Variants in SIRT5 observed in about 807,000 individuals in gnomAD.
SIRT5 encodes NAD-dependent protein deacylase sirtuin-5, mitochondrial.
SIRT5 carries 26 observed loss-of-function variants against 40.0 expected under a neutral mutation model. That is an observed-to-expected ratio of 0.65 (90% CI 0.48 to 0.90). The LOEUF (loss-of-function observed/expected upper bound fraction) is 0.90. Among genes scored for constraint, SIRT5 ranks in the 40% least tolerant of loss-of-function variants. The pLI, the probability that SIRT5 is intolerant of heterozygous loss-of-function variation, is 0.00. For missense variants in SIRT5, 401 were observed against 402.4 expected, an observed-to-expected ratio of 1.00 and a Z score of 0.03; for synonymous variants, 146 against 149.1, an observed-to-expected ratio of 0.98 and a Z score of 0.15.
At chr6:13,608,765 A>G (rs987861340) in intron 9 of SIRT5, among the ~76,000 whole-genome samples, 4 of 152,184 alleles carry the variant, frequency 2.6e-5, no homozygotes, top group Non-Finnish European at 5.9e-5. Context: ...AATTGTAAAA[A>G]CAAAAAATAC....
At chr6:13,601,457 T>G (rs1272744182) in intron 9 of SIRT5, among the ~76,000 whole-genome samples, 1 of 151,688 alleles carries the variant, frequency 6.6e-6, no homozygotes, top group Non-Finnish European at 1.5e-5. Flanking sequence ...TAGTATGCAT[T>G]TTTAGTCTTA....
At chr6:13,606,401 T>C (rs1425695708) in intron 9 of SIRT5, among the ~76,000 whole-genome samples, 1 of 151,724 alleles carries the variant, frequency 6.6e-6, no homozygotes, top group African/African-American at 2.4e-5. Context: ...GGTAGAAGAG[T>C]TTTATAGATT....
intron 9 of SIRT5, among the ~76,000 whole-genome samples, chr6:13,606,623 A>G (rs1477885012): frequency 1.3e-5 from 2 of 152,208 alleles, no homozygotes; most frequent in East Asian, 1.9e-4. Flanking sequence ...GGACACATAC[A>G]TACTTTAAAC....
intron 3 of SIRT5, among the ~76,000 whole-genome samples, chr6:13,587,314 C>T (rs886772843): frequency 2.6e-5 from 4 of 152,196 alleles, no homozygotes; most frequent in African/African-American, 9.6e-5. Context: ...TCCAGGGCCA[C>T]AGCGCTTACC....
At position 13,607,670 on chromosome 6, in the gene SIRT5, A is replaced by G. The variant is rs953408843; in HGVS notation, c.858-4120A>G. ...AACACTGTTCATGTTTGCCTTTCCCATTTTAAAAGTTGACATCTAAGGTTT... is the reference window on the plus strand; with the variant it reads ...AACACTGTTCATGTTTGCCTTTCCCGTTTTAAAAGTTGACATCTAAGGTTT... On this transcript the variant is annotated intron_variant, in intron 9 of 9. Coordinates refer to ENST00000606117, the MANE Select transcript of SIRT5 (RefSeq NM_012241.5). This position sits in a 1 kb window ranked among gnomAD's most constrained non-coding sequence, Gnocchi z 4.0. Among the ~76,000 whole-genome samples the G allele has an allele frequency of 4.6e-5, 7 of 152,202 alleles. No homozygotes were observed. Among genetic ancestry groups the G allele is most frequent in the African/African-American group, 1.2e-4 (5 of 41,456 alleles).
chr6:13,588,505 G>T (rs1760383102), intron 4 of SIRT5, 41 bp downstream of exon 4: 1 of 1,596,886 alleles, frequency 6.3e-7, no homozygotes, highest in African/African-American at 1.4e-5. Flanking sequence ...TCTGTCGAAT[G>T]AAACCATAAC....
intron 9 of SIRT5, among the ~76,000 whole-genome samples, chr6:13,602,451 G>C (rs961555714): frequency 4.6e-5 from 7 of 151,174 alleles, no homozygotes; most frequent in African/African-American, 1.7e-4. Flanking sequence ...AGTGAGCCGA[G>C]ATTGTGCCAT....
Position 13,584,060 on chromosome 6 carries a change from T to C in SIRT5, c.-35-16T>C, listed in dbSNP as rs1036632643. ...TGATTGTTTCTACACTATTTGTTTT[T>C]GTGATTTTTCTAAAGCCCGCCTCAA... On this transcript the variant is annotated splice_polypyrimidine_tract_variant and intron_variant, in intron 2 of 9. Coordinates refer to ENST00000606117, the MANE Select transcript of SIRT5 (RefSeq NM_012241.5). 1 of 1,266,030 alleles carries C rather than the reference T, an allele frequency of 7.9e-7. No individual in the cohort carries two copies. 78.4% of individuals were successfully genotyped at this position (1,266,030 alleles called of 1,614,324 possible).
chr6:13,575,446 A>G (rs1053380860), intron 1 of SIRT5, among the ~76,000 whole-genome samples: 1 of 152,102 alleles, frequency 6.6e-6, no homozygotes, highest in African/African-American at 2.4e-5. Context: ...TTTAGCTCTT[A>G]GGCGTTCAAA....
intron 3 of SIRT5, among the ~76,000 whole-genome samples, 194 bp downstream of exon 3, chr6:13,584,419 C>T (rs991911966): frequency 1.3e-5 from 2 of 152,068 alleles, no homozygotes; most frequent in Non-Finnish European, 2.9e-5. Flanking sequence ...GGTGCGACCT[C>T]GGCTCACCGC....
At chr6:13,599,269 C>T (rs976415175) in intron 8 of SIRT5, 114 bp downstream of exon 8, 33 of 1,113,800 alleles carry the variant, frequency 3.0e-5, no homozygotes, top group Non-Finnish European at 3.6e-5. Context: ...CGCCTTCTCT[C>T]CTCCCTCCAT....
At chr6:13,600,215 A>G (rs1001473028) in intron 8 of SIRT5, among the ~76,000 whole-genome samples, 1 of 152,230 alleles carries the variant, frequency 6.6e-6, no homozygotes, top group Non-Finnish European at 1.5e-5. Flanking sequence ...AAGCAGAGGC[A>G]CTTTCTTGTG....
chr6:13,583,063 G>A (rs966632670), intron 2 of SIRT5, among the ~76,000 whole-genome samples: 4 of 152,000 alleles, frequency 2.6e-5, no homozygotes, highest in Admixed American at 1.3e-4. Context: ...AAAATTAGCC[G>A]GGCATGGTGG....
At chr6:13,608,147 A>G (rs993523762) in intron 9 of SIRT5, among the ~76,000 whole-genome samples, 1 of 152,380 alleles carries the variant, frequency 6.6e-6, no homozygotes, top group South Asian at 2.1e-4. Context: ...TATCTGGTAC[A>G]TACCACCATC....
chr6:13,574,361 C>G (rs1207981590), upstream of SIRT5, among the ~76,000 whole-genome samples: 4 of 152,024 alleles, frequency 2.6e-5, no homozygotes, highest in East Asian at 3.9e-4. Flanking sequence ...CGCTCGGGCT[C>G]CGGCTTCGAG....
At chr6:13,603,050 G>T (rs1762605382) in intron 9 of SIRT5, among the ~76,000 whole-genome samples, 1 of 152,144 alleles carries the variant, frequency 6.6e-6, no homozygotes, top group Admixed American at 6.5e-5. Flanking sequence ...GGCCGAGGCA[G>T]GTGGATCATG....
At chr6:13,603,133 C>T (rs1219663978) in intron 9 of SIRT5, among the ~76,000 whole-genome samples, 10 of 151,970 alleles carry the variant, frequency 6.6e-5, no homozygotes, top group African/African-American at 2.2e-4. Flanking sequence ...AAAAATTAGC[C>T]GGGCGTGGTG....
At chr6:13,591,266 C>T (rs1760866546) in intron 4 of SIRT5, among the ~76,000 whole-genome samples, 1 of 152,182 alleles carries the variant, frequency 6.6e-6, no homozygotes, top group African/African-American at 2.4e-5. Flanking sequence ...TTTTGCATTT[C>T]ATGCTTTCCC....
intron 5 of SIRT5, 40 bp downstream of exon 5, chr6:13,591,934 A>G (rs1267266585): frequency 1.9e-6 from 3 of 1,574,352 alleles, no homozygotes; most frequent in African/African-American, 1.3e-5. Flanking sequence ...AACCAGCTTT[A>G]AAACACCTGT....
Sources: allele counts gnomAD v4.1 joint callset (sites outside exome capture counted in the v4.1 genomes callset), GRCh38; gene constraint gnomAD v4.1.1; non-coding constraint Gnocchi (gnomAD v3.1); transcripts MANE v1.5; gene names NCBI Gene and HGNC (gene_info 2026-07-23, HGNC 2026-07-21).